Variants in FADS6 observed in about 807,000 individuals in gnomAD.
FADS6 encodes the protein fatty acid desaturase 6.
FADS6 carries 28 observed loss-of-function variants against 31.7 expected under a neutral mutation model. That is an observed-to-expected ratio of 0.88 (90% CI 0.66 to 1.21). FADS6 has a LOEUF of 1.21. Among genes scored for constraint, FADS6 ranks in the 50% most tolerant of loss-of-function variants. The probability of loss-of-function intolerance (pLI) is 0.00; values close to 1 mark genes in which losing one functional copy is unlikely to be tolerated. For missense variants in FADS6, 494 were observed against 504.2 expected, an observed-to-expected ratio of 0.98 and a Z score of 0.19; for synonymous variants, 191 against 213.1, an observed-to-expected ratio of 0.90 and a Z score of 0.90.
chr17:74,883,866 C>T (rs1394937173), intron 2 of FADS6, among the ~76,000 whole-genome samples: 1 of 152,118 alleles, frequency 6.6e-6, no homozygotes, highest in South Asian at 2.1e-4. Context: ...CAGGGTTTCA[C>T]CATGTTGGCC....
chr17:74,888,154 A>ATG (rs2038647549), intron 2 of FADS6, among the ~76,000 whole-genome samples: 3 of 134,804 alleles, frequency 2.2e-5, no homozygotes, highest in Admixed American at 1.5e-4. Context: ...ACACACACAC[A>ATG]CGCGCGCGCG....
At chr17:74,882,774 C>T (rs1320639517) in intron 2 of FADS6, 64 bp from the exon 3 acceptor site, 2 of 1,553,756 alleles carry the variant, frequency 1.3e-6, no homozygotes, top group African/African-American at 1.4e-5. Flanking sequence ...AATGCAGGAC[C>T]TTTGAGAGCC....
intron 2 of FADS6, among the ~76,000 whole-genome samples, chr17:74,888,189 G>A (rs896629696): frequency 8.7e-5 from 13 of 150,174 alleles, no homozygotes; most frequent in South Asian, 2.1e-4. Flanking sequence ...ACCAATGTCC[G>A]TTTCCTTGGT....
At chr17:74,888,610 C>G (rs537903832) in intron 2 of FADS6, among the ~76,000 whole-genome samples, 1 of 152,308 alleles carries the variant, frequency 6.6e-6, no homozygotes, top group African/African-American at 2.4e-5. Context: ...CTACAAGGTG[C>G]CCTTCCCCCA....
chr17:74,880,789 A>AT (rs2038559067), intron 4 of FADS6, among the ~76,000 whole-genome samples: 2 of 152,086 alleles, frequency 1.3e-5, no homozygotes, highest in Non-Finnish European at 2.9e-5. Flanking sequence ...GCTCCTGTTC[A>AT]CCCCTGATTT....
At chr17:74,880,135 A>G (rs761757492) in intron 4 of FADS6, among the ~76,000 whole-genome samples, 2 of 152,006 alleles carry the variant, frequency 1.3e-5, no homozygotes, top group Non-Finnish European at 2.9e-5. Context: ...AGGAAGCTCT[A>G]CTCTGAGGCC....
rs774251462 is a variant in FADS6, at chr17:74,882,592, C to T, written c.530G>A (p.Arg177His). Residue 177 changes from arginine (R) to histidine (H), a missense_variant, in exon 3 of 6, where the codon CGC becomes CAC. By Grantham distance (29) the Arg-to-His change is conservative. Coordinates refer to ENST00000612771, the MANE Select transcript of FADS6 (RefSeq NM_178128.6). ...SSTWRLPCLN[R>H]YVYMFLAPFL... is the part of the protein sequence containing the mutation. ...AGGAGCAAGGAACATGTAGACATAG[C>T]GGTTGAGGCAAGGCAGCCTCCACGT... 10 of 1,611,754 alleles carry T rather than the reference C, an allele frequency of 6.2e-6. No homozygotes were observed. Among genetic ancestry groups the T allele is most frequent in the South Asian group, 5.5e-5 (5 of 90,430 alleles).
chr17:74,885,298 ACC>A, intron 2 of FADS6, among the ~76,000 whole-genome samples: 1 of 145,438 alleles, frequency 6.9e-6, no homozygotes, highest in African/African-American at 2.7e-5. Flanking sequence ...TTTTAAGAAA[ACC>A]ACAAAAAAAA....
Position 74,892,677 on chromosome 17 carries a change from A to C in FADS6, c.257T>G (p.Leu86Arg), listed in dbSNP as rs1334746097. The change falls in exon 2 of 6, where the codon CTG becomes CGG. Residue 86 changes from leucine to arginine, a missense_variant. Transcript: ENST00000612771. The stretch of plus-strand genomic sequence containing the variant: ...AAAGACCAGGGCATTCTCCCAGCGC[A>C]GGCACAGGAAGCCTGCGTGGAGAGG... ...LFALPAGFLC[L>R]RWENALVFAS... is the part of the protein sequence containing the mutation. 1 of 1,612,010 alleles carries C rather than the reference A, an allele frequency of 6.2e-7. No individual in the cohort carries two copies. Among genetic ancestry groups the C allele is most frequent in the East Asian group, 2.2e-5 (1 of 44,852 alleles).
In FADS6 at chr17:74,881,215, C is replaced by G. The variant is rs745435837; in HGVS notation, c.633G>C (p.Thr211=). The change falls in exon 4 of 6, where the codon ACG becomes ACC. Residue 211 remains threonine, a synonymous_variant. Transcript: ENST00000612771. The stretch of plus-strand genomic sequence containing the variant: ...AAAGGCCCAGAGAAATCAGGGCCAG[C>G]GTCCGCAGGGCTGTCCCGAGCTCCA... ...RKVELGTALR[T]LALISLGLYS... 2.5e-6 allele frequency: 4 copies of G among 1,608,554 alleles called. No individual in the cohort carries two copies. The highest frequency in any genetic ancestry group is 2.5e-6 in the Non-Finnish European group (3 of 1,177,556).
intron 2 of FADS6, among the ~76,000 whole-genome samples, chr17:74,883,675 G>C (rs1305755049): frequency 6.6e-6 from 1 of 152,072 alleles, no homozygotes; most frequent in African/African-American, 2.4e-5. Context: ...TTTTTATTCT[G>C]TTTTGAGATG....
chr17:74,886,457 C>CA (rs2038624269), intron 2 of FADS6, among the ~76,000 whole-genome samples: 1 of 39,056 alleles, frequency 2.6e-5, no homozygotes, highest in Admixed American at 3.4e-4. Context: ...GAAATCCTGT[C>CA]TAAAAAAAAA....
chr17:74,883,331 G>C (rs2038593390), intron 2 of FADS6, among the ~76,000 whole-genome samples: 2 of 152,254 alleles, frequency 1.3e-5, no homozygotes, highest in South Asian at 4.1e-4. Flanking sequence ...TAGGAGAGTA[G>C]TCAGTCTGGA....
At chr17:74,879,906 C>T (rs1357452986) in intron 4 of FADS6, among the ~76,000 whole-genome samples, 1 of 152,174 alleles carries the variant, frequency 6.6e-6, no homozygotes, top group African/African-American at 2.4e-5. Flanking sequence ...TCTGGAGAGA[C>T]CCTTCCTGCT....
At chr17:74,883,563 C>T (rs528881583) in intron 2 of FADS6, among the ~76,000 whole-genome samples, 9 of 152,336 alleles carry the variant, frequency 5.9e-5, no homozygotes, top group East Asian at 5.8e-4. Context: ...CCAGGCTCAG[C>T]GCCCTTCACT....
chr17:74,887,830 C>T (rs561951314), intron 2 of FADS6, among the ~76,000 whole-genome samples: 3 of 152,298 alleles, frequency 2.0e-5, no homozygotes, highest in East Asian at 3.9e-4. Context: ...GGACTACAGG[C>T]GTGTGCCACC....
At position 74,882,616 on chromosome 17, in the gene FADS6, G is replaced by A. The variant is rs938109344; in HGVS notation, c.506C>T (p.Thr169Met). 1.6e-5 allele frequency: 26 copies of A among 1,611,452 alleles called. No homozygotes were observed. Among genetic ancestry groups the A allele is most frequent in the African/African-American group, 4.0e-5 (3 of 74,890 alleles). Residue 169 changes from threonine (T) to methionine (M), a missense_variant, in exon 3 of 6, where the codon ACG becomes ATG. Coordinates refer to ENST00000612771, the MANE Select transcript of FADS6 (RefSeq NM_178128.6). ...TNVVGLGDSS[T>M]WRLPCLNRYV... is the part of the protein sequence containing the mutation. ...GCGGTTGAGGCAAGGCAGCCTCCACGTGCTGGAGTCCCCCAGGCCCACCAC... is the reference window on the plus strand; with the variant it reads ...GCGGTTGAGGCAAGGCAGCCTCCACATGCTGGAGTCCCCCAGGCCCACCAC...
chr17:74,890,277 C>A (rs2038675197), intron 2 of FADS6, among the ~76,000 whole-genome samples: 1 of 152,150 alleles, frequency 6.6e-6, no homozygotes, highest in African/African-American at 2.4e-5. Flanking sequence ...GTGTGGCAGA[C>A]AAGACCAGCA....
intron 2 of FADS6, 149 bp downstream of exon 2, chr17:74,892,374 A>C: frequency 1.1e-6 from 1 of 950,128 alleles, no homozygotes. Context: ...TGTAGTGCAT[A>C]CTGCACCAGT....
Sources: allele counts gnomAD v4.1 joint callset (sites outside exome capture counted in the v4.1 genomes callset), GRCh38; gene constraint gnomAD v4.1.1; transcripts MANE v1.5; gene names NCBI Gene and HGNC (gene_info 2026-07-23, HGNC 2026-07-21).